The following LGALS9B variants were observed in gnomAD, a reference collection of about 807,000 sequenced individuals.
The protein encoded by LGALS9B is galectin-9B.
In LGALS9B, 8 loss-of-function variants were observed where a neutral mutation model predicts 35.9. That is an observed-to-expected ratio of 0.22 (90% CI 0.13 to 0.40). The LOEUF (loss-of-function observed/expected upper bound fraction) is 0.40, where lower values mean the gene tolerates loss of function less well. Ranked by LOEUF, LGALS9B falls within the 10% of genes least tolerant of loss-of-function variation. The probability of loss-of-function intolerance (pLI) is 1.00; values close to 1 mark genes in which losing one functional copy is unlikely to be tolerated. For synonymous variants in LGALS9B, 42 were observed against 148.6 expected (o/e 0.28, Z 5.22); for missense variants, 101 against 397.9 (o/e 0.25, Z 6.35).
chr17:20,451,927 A>G, intron 8 of LGALS9B, 44 bp from the exon 9 acceptor site: 1 of 1,358,184 alleles, frequency 7.4e-7, no homozygotes. Flanking sequence ...CAGCCAGGGC[A>G]GCCGCCACAT....
chr17:20,451,667 C>A, intron 9 of LGALS9B, 24 bp from the exon 10 acceptor site: 1 of 1,591,398 alleles, frequency 6.3e-7, no homozygotes. Context: ...CCTACCTGGA[C>A]CTTTGTCCAC....
intron 2 of LGALS9B, among the ~76,000 whole-genome samples, 166 bp downstream of exon 2, chr17:20,460,185 GC>G (rs1165863639): frequency 1.4e-5 from 2 of 139,024 alleles, no homozygotes; most frequent in African/African-American, 5.2e-5. Context: ...TGCAGGTTGT[GC>G]CTGTGGAGTG....
chr17:20,465,824 G>A (rs1366118878), intron 1 of LGALS9B, among the ~76,000 whole-genome samples: 2 of 148,076 alleles, frequency 1.4e-5, no homozygotes, highest in South Asian at 4.4e-4. Context: ...GGCATGTGGA[G>A]AAAGCGTGGC....
At chr17:20,455,822 G>A (rs796515980) in intron 4 of LGALS9B, among the ~76,000 whole-genome samples, 13,626 of 138,022 alleles carry the variant, frequency 0.099, no homozygotes, top group South Asian at 0.2. Context: ...TTCACGTGGT[G>A]TTGGTATCTC....
Position 20,466,510 on chromosome 17 carries a change from C to T in LGALS9B, c.39+922G>A, listed in dbSNP as rs554143898. ...CATCAGCCCACCCACTCCAGCCCCT[C>T]GGGAAGCTCTTTGCCAAGGCAGGGT... On this transcript the variant is annotated intron_variant, in intron 1 of 10. Coordinates refer to ENST00000423676, the MANE Select transcript of LGALS9B (RefSeq NM_001367292.2). Among the ~76,000 whole-genome samples, 238 of 144,074 alleles carry T rather than the reference C, an allele frequency of 1.7e-3. 4 individuals carry two copies. The highest frequency in any genetic ancestry group is 5.8e-3 in the African/African-American group (219 of 37,658). 94.5% of individuals were successfully genotyped at this position (144,074 alleles called of 152,430 possible). A position where few individuals can be genotyped will look rare whatever the true frequency, so the allele number is the denominator to read the frequency against.
chr17:20,460,291 G>T, intron 2 of LGALS9B, 61 bp downstream of exon 2: 1 of 1,610,318 alleles, frequency 6.2e-7, no homozygotes, highest in Non-Finnish European at 8.5e-7. Context: ...AGGCTCACAG[G>T]CACAGTGGCT....
intron 4 of LGALS9B, among the ~76,000 whole-genome samples, chr17:20,455,637 G>A (rs1310422071): frequency 1.4e-5 from 2 of 142,674 alleles, no homozygotes; most frequent in East Asian, 4.0e-4. Context: ...GTCAGGGAAG[G>A]AGGGAATGAG....
At chr17:20,467,263 C>A (rs2042769348) in intron 1 of LGALS9B, among the ~76,000 whole-genome samples, 169 bp downstream of exon 1, 1 of 147,360 alleles carries the variant, frequency 6.8e-6, no homozygotes, top group African/African-American at 2.6e-5. Flanking sequence ...GTGAGCTCAG[C>A]ATGGCACAGC....
chr17:20,465,818 T>G (rs2042758701), intron 1 of LGALS9B, among the ~76,000 whole-genome samples: 1 of 147,100 alleles, frequency 6.8e-6, no homozygotes, highest in South Asian at 2.2e-4. Context: ...ACTGTCGGCA[T>G]GTGGAGAAAG....
intron 1 of LGALS9B, among the ~76,000 whole-genome samples, chr17:20,465,834 C>A (rs2042758914): frequency 6.7e-6 from 1 of 148,948 alleles, no homozygotes; most frequent in African/African-American, 2.5e-5. Flanking sequence ...GAAAGCGTGG[C>A]TCCGACTGCC....
chr17:20,465,694 CAAAGAGGCTGG>C (rs928887108), intron 1 of LGALS9B, among the ~76,000 whole-genome samples: 1 of 115,288 alleles, frequency 8.7e-6, no homozygotes, highest in East Asian at 2.8e-4. Context: ...CCCAGCCCTC[CAAAGAGGCTGG>C]GCTAGATGAG....
intron 1 of LGALS9B, among the ~76,000 whole-genome samples, chr17:20,464,906 G>A (rs1489732606): frequency 7.9e-5 from 12 of 152,242 alleles, no homozygotes; most frequent in Non-Finnish European, 1.5e-5. Context: ...AGGACTGGGT[G>A]GAATGCCATG....
intron 5 of LGALS9B, among the ~76,000 whole-genome samples, chr17:20,454,393 C>A (rs1264271158): frequency 1.6e-4 from 24 of 150,370 alleles, no homozygotes; most frequent in African/African-American, 5.1e-4. Flanking sequence ...ACTGTTCTTG[C>A]CCTGGCTGGT....
chr17:20,455,531 C>T lies in LGALS9B; in HGVS notation c.445-133G>A, dbSNP rs1488540266. Reference sequence around the variant, plus strand: ...ATGCAGCAAGGGGGTTAGGGCCACACGGAGGCGAGAGCGGAAAGGGCCAGG... The same window carrying T: ...ATGCAGCAAGGGGGTTAGGGCCACATGGAGGCGAGAGCGGAAAGGGCCAGG... On this transcript the variant is annotated intron_variant, in intron 4 of 10. Coordinates refer to ENST00000423676, the MANE Select transcript of LGALS9B (RefSeq NM_001367292.2). 1.1e-5 allele frequency: 12 copies of T among 1,055,754 alleles called. 2 individuals are homozygous for T. The highest frequency in any genetic ancestry group is 7.0e-4 in the Middle Eastern group (2 of 2,844). The allele number at this position is 1,055,754 out of a possible 1,614,324, so 65.4% of individuals were successfully genotyped here. A position where few individuals can be genotyped will look rare whatever the true frequency, so the allele number is the denominator to read the frequency against.
chr17:20,460,367 C>G lies in LGALS9B; in HGVS notation c.116G>C (p.Ser39Thr). 1 of 1,601,214 alleles carries G rather than the reference C, an allele frequency of 6.2e-7. No homozygotes were observed. The highest frequency in any genetic ancestry group is 8.5e-7 in the Non-Finnish European group (1 of 1,170,674). The change falls in exon 2 of 11, where the codon AGC (serine) becomes ACC (threonine). Residue 39 changes from serine to threonine, a missense_variant. Physicochemically the swap from Ser to Thr is moderately conservative, Grantham distance 58 (BLOSUM62 1). Coordinates refer to ENST00000423676, the MANE Select transcript of LGALS9B (RefSeq NM_001367292.2). ...ATACACACACCTGGTTCCACTGGAG[C>G]TGAGAACGGCCCCATTGACAGTGAT... ...FQITVNGAVL[S>T]SSGTRFAVDF...
In LGALS9B at chr17:20,451,896, C is replaced by T. The variant is rs770299555; in HGVS notation, c.673-13G>A. 44 of 1,368,686 alleles carry T rather than the reference C, an allele frequency of 3.2e-5. 10 individuals carry two copies. The highest frequency in any genetic ancestry group is 1.3e-4 in the Admixed American group (7 of 51,864). 84.8% of individuals were successfully genotyped at this position (1,368,686 alleles called of 1,614,324 possible). A position where few individuals can be genotyped will look rare whatever the true frequency, so the allele number is the denominator to read the frequency against. ...TGAAAGGCATCGGCTGTCAGAAGGA[C>T]GGGGACAGGTCAGCCAGTGGCAGCC... is the stretch of plus-strand genomic sequence containing the variant. On this transcript the variant is annotated splice_polypyrimidine_tract_variant and intron_variant, in intron 8 of 10. Coordinates refer to ENST00000423676, the MANE Select transcript of LGALS9B (RefSeq NM_001367292.2).
Position 20,452,480 on chromosome 17 carries a change from C to T in LGALS9B, c.628-85G>A, listed in dbSNP as rs2042657381. Reference sequence around the variant, plus strand: ...GCGCACCCACGCATTCTAGAGGGGGCTCCACTGTGAGGCTGACCTCATGAG... The same window carrying T: ...GCGCACCCACGCATTCTAGAGGGGGTTCCACTGTGAGGCTGACCTCATGAG... On this transcript the variant is annotated intron_variant, in intron 7 of 10. Coordinates refer to ENST00000423676, the MANE Select transcript of LGALS9B (RefSeq NM_001367292.2). 2 of 155,298 alleles carry T rather than the reference C, an allele frequency of 1.3e-5. 1 individual carries two copies. The highest frequency in any genetic ancestry group is 2.5e-5 in the Non-Finnish European group (2 of 80,826). The allele number at this position is 155,298 out of a possible 1,614,324, so 9.6% of individuals were successfully genotyped here.
At chr17:20,456,262 C>T (rs1482163957) in intron 4 of LGALS9B, among the ~76,000 whole-genome samples, 7 of 146,494 alleles carry the variant, frequency 4.8e-5, no homozygotes, top group African/African-American at 1.8e-4. Context: ...GAACTGGATT[C>T]AGTTTGGTTC....
At chr17:20,465,105 T>G in intron 1 of LGALS9B, among the ~76,000 whole-genome samples, 1 of 151,328 alleles carries the variant, frequency 6.6e-6, no homozygotes, top group Non-Finnish European at 1.5e-5. Context: ...TCTTCCTACC[T>G]GGAAGTCAAA....
Sources: gnomAD v4.1 joint callset for allele counts (sites outside exome capture counted in the v4.1 genomes callset) on GRCh38, gnomAD v4.1.1 for gene constraint, MANE v1.5 for transcripts, NCBI Gene and HGNC (gene_info 2026-07-23, HGNC 2026-07-21) for gene names.